Variants in BOK observed in about 807,000 individuals in gnomAD.
The protein encoded by BOK is BCL2 family apoptosis regulator BOK.
In BOK, 20 loss-of-function variants were observed where a neutral mutation model predicts 18.3. The ratio of observed to expected loss-of-function variants is 1.09; its 90% confidence interval spans 0.77 to 1.59. BOK has a LOEUF of 1.59. Ranked by LOEUF, BOK falls within the 40% of genes most tolerant of loss-of-function variation. The probability of loss-of-function intolerance (pLI) is 0.00; values close to 1 mark genes in which losing one functional copy is unlikely to be tolerated. For synonymous variants in BOK, 173 were observed against 142.4 expected (o/e 1.21, Z -1.53); for missense variants, 348 against 307.9 (o/e 1.13, Z -0.97).
intron 1 of BOK, 121 bp downstream of exon 1, chr2:241,559,114 G>T (rs1217421742): frequency 7.3e-5 from 12 of 164,392 alleles, no homozygotes; most frequent in African/African-American, 2.9e-4. Flanking sequence ...CCGGGGCGGG[G>T]AGGGCCGGGT....
Position 241,570,113 on chromosome 2 carries a change from C to T in BOK, c.350-12C>T, listed in dbSNP as rs372896184. The T allele has an allele frequency of 6.7e-5, 108 of 1,608,354 alleles. No homozygotes were observed. The African/African-American group carries it at 1.2e-3, about 17-fold the overall frequency. On this transcript the variant is annotated splice_polypyrimidine_tract_variant and intron_variant, in intron 3 of 4. Transcript: ENST00000318407. ...ATTCAAGTCCTGATCTTGACCATCT[C>T]TCTCCCTGCAGGCATCACGTGGGGC...
At position 241,573,156 on chromosome 2, in the gene BOK, T is replaced by C. The variant is rs12619344; in HGVS notation, c.*734T>C. ...CCCCTGGTGAAGGGGCCCGGAACAC[T>C]TGCTCTCACCTGAGCCCCAGGTGAA... On this transcript the variant is annotated 3_prime_UTR_variant, in exon 5 of 5. Transcript: ENST00000318407. 0.22 allele frequency: 8,223 copies of C among 37,738 alleles called. 886 individuals carry two copies. Among genetic ancestry groups the C allele is most frequent in the East Asian group, 0.59 (765 of 1,294 alleles). 2.3% of individuals were successfully genotyped at this position (37,738 alleles called of 1,614,324 possible).
intron 2 of BOK, among the ~76,000 whole-genome samples, chr2:241,560,839 G>A (rs2066517031): frequency 6.6e-6 from 1 of 152,164 alleles, no homozygotes; most frequent in Non-Finnish European, 1.5e-5. Flanking sequence ...TGGCTGGGAA[G>A]AAGTCCCAGA....
In BOK at chr2:241,572,418, G is replaced by T. The variant is rs746633276; in HGVS notation, c.635G>T (p.Arg212Ile). The T allele has an allele frequency of 1.3e-6, 2 of 1,597,300 alleles. No homozygotes were observed. Among genetic ancestry groups the T allele is most frequent in the African/African-American group, 2.7e-5 (2 of 74,898 alleles). Residue 212 changes from arginine to isoleucine, a missense_variant, in exon 5 of 5, where the codon AGA becomes ATA. Transcript: ENST00000318407. ...KAAFFVLLPE[R>I] The stretch of plus-strand genomic sequence containing the variant: ...GCCTTCTTCGTGCTGCTGCCAGAGA[G>T]ATGAGCTGCCCACCTGGCAGTGGCC...
chr2:241,569,199 C>T (rs992065446), intron 3 of BOK, among the ~76,000 whole-genome samples: 11 of 152,230 alleles, frequency 7.2e-5, no homozygotes, highest in African/African-American at 2.4e-4. Flanking sequence ...GGCGCGATCT[C>T]AGCTCACTGC....
intron 3 of BOK, among the ~76,000 whole-genome samples, chr2:241,569,780 G>A (rs368621707): frequency 2.0e-4 from 31 of 152,266 alleles, no homozygotes; most frequent in South Asian, 1.0e-3. Flanking sequence ...AAATGTGGAC[G>A]CCAGGCCTGT....
At chr2:241,565,213 C>G (rs953772517) in intron 3 of BOK, among the ~76,000 whole-genome samples, 14 of 151,542 alleles carry the variant, frequency 9.2e-5, no homozygotes, top group African/African-American at 2.9e-4. Context: ...CCAGGCTTGT[C>G]CCACGCAGGC....
chr2:241,560,337 G>A (rs1559200105), intron 2 of BOK: 1 of 946,542 alleles, frequency 1.1e-6, no homozygotes, highest in Non-Finnish European at 1.3e-6. Context: ...GGCTGTGGCC[G>A]TCACCTGGGA....
At position 241,562,866 on chromosome 2, in the gene BOK, G is replaced by A. The variant is rs551823263; in HGVS notation, c.349+390G>A. Among the ~76,000 whole-genome samples the A allele has an allele frequency of 6.6e-6, 1 of 151,878 alleles. No individual in the cohort carries two copies. Among genetic ancestry groups the A allele is most frequent in the East Asian group, 1.9e-4 (1 of 5,178 alleles). The stretch of plus-strand genomic sequence containing the variant: ...TCACAGCATGGTGCTGTGTCCCAAG[G>A]AGGAGTGGCAAGGAGCAGGTTTCCC... On this transcript the variant is annotated intron_variant, in intron 3 of 4. Coordinates refer to ENST00000318407, the MANE Select transcript of BOK (RefSeq NM_032515.5). The surrounding 1 kb of genome is among the most constrained non-coding windows in gnomAD (Gnocchi z 4.5).
chr2:241,572,230 G>C, intron 4 of BOK, 67 bp from the exon 5 acceptor site: 1 of 1,586,398 alleles, frequency 6.3e-7, no homozygotes, highest in African/African-American at 1.3e-5. Flanking sequence ...GTGCTGGGGG[G>C]CCTGGCGGTG....
chr2:241,570,455 C>T (rs1575004448), intron 4 of BOK, among the ~76,000 whole-genome samples, 167 bp downstream of exon 4: 1 of 33,408 alleles, frequency 3.0e-5, no homozygotes, highest in African/African-American at 8.8e-5. Flanking sequence ...AGTGTCTGAG[C>T]GCCTGGGGGG....
chr2:241,556,548 A>G (rs1258849433), upstream of BOK, among the ~76,000 whole-genome samples: 1 of 129,470 alleles, frequency 7.7e-6, no homozygotes, highest in Non-Finnish European at 1.5e-5. Context: ...ACGCCATTGC[A>G]CTCCAGCCTG....
intron 1 of BOK, among the ~76,000 whole-genome samples, chr2:241,553,013 G>A (rs1021393483): frequency 1.3e-4 from 20 of 152,366 alleles, no homozygotes; most frequent in African/African-American, 4.8e-4. Context: ...AGTGGGTGGA[G>A]AGGCCAGTCC....
At chr2:241,571,056 G>GAGC (rs1324966122) in intron 4 of BOK, among the ~76,000 whole-genome samples, 1 of 151,208 alleles carries the variant, frequency 6.6e-6, no homozygotes, top group African/African-American at 2.4e-5. Flanking sequence ...GCGGATGGGT[G>GAGC]GTCACCTGAG....
At chr2:241,563,151 C>T (rs1423118801) in intron 3 of BOK, among the ~76,000 whole-genome samples, 1 of 152,166 alleles carries the variant, frequency 6.6e-6, no homozygotes, top group Non-Finnish European at 1.5e-5. Context: ...CCTGGCCCTG[C>T]CTCCCTGCTC....
At chr2:241,571,035 G>A (rs1363582654) in intron 4 of BOK, among the ~76,000 whole-genome samples, 5 of 148,946 alleles carry the variant, frequency 3.4e-5, no homozygotes, top group Admixed American at 6.7e-5. Flanking sequence ...GCAGAGGTAC[G>A]GGAGGGAGTG....
chr2:241,572,167 CG>C, intron 4 of BOK, 129 bp from the exon 5 acceptor site: 1 of 1,398,044 alleles, frequency 7.2e-7, no homozygotes, highest in Non-Finnish European at 9.6e-7. Flanking sequence ...ACCTCCTTCC[CG>C]AACAGTCTCC....
intron 1 of BOK, among the ~76,000 whole-genome samples, chr2:241,552,869 C>T (rs989924797): frequency 1.3e-5 from 2 of 152,212 alleles, no homozygotes; most frequent in African/African-American, 4.8e-5. Context: ...CCTGCAGTGA[C>T]CGGGAGGTGA....
At chr2:241,558,105 TG>T (rs2066469352), upstream of BOK, among the ~76,000 whole-genome samples, 3 of 134,566 alleles carry the variant, frequency 2.2e-5, no homozygotes. Flanking sequence ...GTTGAGATGT[TG>T]GGGACTCCTC....
Sources: allele counts gnomAD v4.1 joint callset (sites outside exome capture counted in the v4.1 genomes callset), GRCh38; gene constraint gnomAD v4.1.1; non-coding constraint Gnocchi (gnomAD v3.1); transcripts MANE v1.5; gene names NCBI Gene and HGNC (gene_info 2026-07-23, HGNC 2026-07-21).